The following SCRIB variants were observed in gnomAD, a reference collection of about 807,000 sequenced individuals.
SCRIB encodes protein scribble homolog.
In SCRIB, 72 loss-of-function variants were observed where a neutral mutation model predicts 170.0. The ratio of observed to expected loss-of-function variants is 0.42; its 90% CI spans 0.35 to 0.52. The LOEUF (loss-of-function observed/expected upper bound fraction) is 0.52, where lower values mean the gene tolerates loss of function less well. Ranked by LOEUF, SCRIB falls within the 20% of genes least tolerant of loss-of-function variation. The pLI, the probability that SCRIB is intolerant of heterozygous loss-of-function variation, is 0.02. For synonymous variants in SCRIB, 1,298 were observed against 1,044.3 expected, an observed-to-expected ratio of 1.24 and a Z score of -4.68; for missense variants, 2,475 against 2,338.5, an observed-to-expected ratio of 1.06 and a Z score of -1.20.
rs1375438884 is a variant in SCRIB at position 143,806,929 on chromosome 8, C to T, written c.2263G>A (p.Asp755Asn). The T allele has an allele frequency of 5.0e-6, 8 of 1,609,146 alleles. No homozygotes were observed. In the African/African-American group the frequency reaches 5.3e-5, roughly 11 times the overall value. The change falls in exon 17 of 37, where the codon GAC (aspartate) becomes AAC (asparagine). Residue 755 changes from aspartate (D) to asparagine (N), a missense_variant. Physicochemically the swap from Asp to Asn is conservative, Grantham distance 23. Around this residue, in one of 3 missense-constraint regions of SCRIB, gnomAD observed 1,966 missense variants for 1,742.9 expected, o/e 1.13. Coordinates refer to ENST00000356994, the MANE Select transcript of SCRIB (RefSeq NM_182706.5). ...CCCTCCTAGGCAGTGCTCACCTCGT[C>T]GTCCCCCTTATAGGGTGTGGAGCCC... ...GKGSTPYKGDDEGIFISRVSE... is the reference protein window; with the variant it reads ...GKGSTPYKGDNEGIFISRVSE...
rs1374339423 is a variant in SCRIB, at chr8:143,813,032, G to A, written c.640C>T (p.Pro214Ser). 2.5e-6 allele frequency: 4 copies of A among 1,600,526 alleles called. No individual in the cohort carries two copies. Among genetic ancestry groups the A allele is most frequent in the African/African-American group, 2.7e-5 (2 of 74,854 alleles). Residue 214 changes from proline (P) to serine (S), a missense_variant and splice_region_variant, in exon 7 of 37, where the codon CCG becomes TCG. Pro to Ser is a moderately conservative substitution (Grantham distance 74, BLOSUM62 -1). Transcript: ENST00000356994. ...GGGCCAGCCCCACCCTGACTCACCG[G>A]GGGCAGTGCTGACAGCTGGTTCCGG... is the stretch of plus-strand genomic sequence containing the variant. ...LDRNQLSALP[P>S]ELGNLRRLVC...
At chr8:143,808,577 C>T in intron 15 of SCRIB, 32 bp downstream of exon 15, 2 of 1,494,956 alleles carry the variant, frequency 1.3e-6, no homozygotes, top group Non-Finnish European at 8.9e-7. Context: ...CCAGGGGAAT[C>T]TGGGTCAGGC....
In SCRIB at chr8:143,815,747, C is replaced by T; in HGVS notation, c.-375G>A. The T allele has an allele frequency of 1.0e-6, 1 of 984,434 alleles. No homozygotes were observed. The highest frequency in any genetic ancestry group is 1.2e-6 in the Non-Finnish European group (1 of 829,616). 61.0% of individuals were successfully genotyped at this position (984,434 alleles called of 1,614,324 possible). Reference sequence around the variant, plus strand: ...GCCCCGCCGACACCCACCCGGCCGCCGCGCAGCCCGTCGGGAAGCCGAGTC... The same window carrying T: ...GCCCCGCCGACACCCACCCGGCCGCTGCGCAGCCCGTCGGGAAGCCGAGTC... On this transcript the variant is annotated 5_prime_UTR_variant, in exon 1 of 37. Transcript: ENST00000356994.
rs1395873178 is a variant in SCRIB, at chr8:143,815,452, C to G, written c.-80G>C. ...GGGGGCGGGGCTCAGTCCGCATGGG[C>G]GCCGCGCATGGGGAGGGGGCGCAGG... On this transcript the variant is annotated 5_prime_UTR_variant, in exon 1 of 37. Coordinates refer to ENST00000356994, the MANE Select transcript of SCRIB (RefSeq NM_182706.5). The G allele has an allele frequency of 8.8e-7, 1 of 1,134,038 alleles. No homozygotes were observed. 70.2% of individuals were successfully genotyped at this position (1,134,038 alleles called of 1,614,324 possible).
chr8:143,799,178 C>T (rs1288720456), intron 24 of SCRIB, among the ~76,000 whole-genome samples: 1 of 152,222 alleles, frequency 6.6e-6, no homozygotes, highest in Non-Finnish European at 1.5e-5. Context: ...GAGCTCACAT[C>T]AGGACAGAAA....
rs186652098 is a variant in SCRIB, at chr8:143,799,978, G to T, written c.3603+3405C>A. Among the ~76,000 whole-genome samples the T allele has an allele frequency of 2.8e-4, 42 of 152,154 alleles. No individual in the cohort carries two copies. The East Asian group carries it at 7.5e-3, about 27-fold the overall frequency. On this transcript the variant is annotated intron_variant, in intron 24 of 36. Coordinates refer to ENST00000356994, the MANE Select transcript of SCRIB (RefSeq NM_182706.5). Reference sequence around the variant, plus strand: ...CAGGGCCAGGCAGACAGACACAGATGAGTCCAGTGGCCTGAGTTTCAGAAA... The same window carrying T: ...CAGGGCCAGGCAGACAGACACAGATTAGTCCAGTGGCCTGAGTTTCAGAAA...
At chr8:143,801,421 T>C (rs1815165895) in intron 24 of SCRIB, among the ~76,000 whole-genome samples, 1 of 152,226 alleles carries the variant, frequency 6.6e-6, no homozygotes, top group East Asian at 1.9e-4. Context: ...AACATGACAA[T>C]GTTTTTGTAA....
In SCRIB at chr8:143,815,401, G is replaced by A. The variant is rs764099025; in HGVS notation, c.-29C>T. On this transcript the variant is annotated 5_prime_UTR_variant, in exon 1 of 37. Coordinates refer to ENST00000356994, the MANE Select transcript of SCRIB (RefSeq NM_182706.5). ...GCGGGTGGGCGGCGCGGGCTCCGGC[G>A]GCGGCGCTCGGCGGGCTCGGGGCCG... is the stretch of plus-strand genomic sequence containing the variant. 2.1e-5 allele frequency: 26 copies of A among 1,266,232 alleles called. No individual in the cohort carries two copies. The highest frequency in any genetic ancestry group is 2.5e-5 in the Non-Finnish European group (25 of 1,001,812). 78.4% of individuals were successfully genotyped at this position (1,266,232 alleles called of 1,614,324 possible).
In SCRIB at chr8:143,812,859, G is replaced by A. The variant is rs1335407642; in HGVS notation, c.745C>T (p.Leu249=). Residue 249 remains leucine (L), a synonymous_variant, in exon 8 of 37, where the codon CTG becomes TTG. Transcript: ENST00000356994. ...CTCCGCAGCAGGTTCTGGGACAGCAGCAGGTCAGTGAGCAGCACCAGCCCG... is the reference window on the plus strand; with the variant it reads ...CTCCGCAGCAGGTTCTGGGACAGCAACAGGTCAGTGAGCAGCACCAGCCCG... The part of the protein sequence containing the change: ...LGGLVLLTDL[L]LSQNLLRRLP... 4 of 1,606,380 alleles carry A rather than the reference G, an allele frequency of 2.5e-6. No homozygotes were observed. The highest frequency in any genetic ancestry group is 4.5e-5 in the East Asian group (2 of 44,886).
At chr8:143,803,074 G>A (rs533136892) in intron 24 of SCRIB, among the ~76,000 whole-genome samples, 3 of 152,304 alleles carry the variant, frequency 2.0e-5, no homozygotes, top group South Asian at 4.1e-4. Flanking sequence ...AGTCACCAGT[G>A]CTCAGCTTCT....
In SCRIB at chr8:143,815,259, C is replaced by T. The variant is rs1026834818; in HGVS notation, c.114G>A (p.Leu38=). The T allele has an allele frequency of 2.5e-6, 4 of 1,596,292 alleles. No homozygotes were observed. The highest frequency in any genetic ancestry group is 1.4e-5 in the African/African-American group (1 of 73,184). ...GGTTGGCGTCGAGCAGCAGCTCCTC[C>T]AGGCTGCGGCTGTAGCGGTAGATCT... The part of the protein sequence containing the change: ...PEEIYRYSRS[L]EELLLDANQL... The change falls in exon 1 of 37, where the codon CTG becomes CTA. Residue 38 remains leucine, a synonymous_variant. Coordinates refer to ENST00000356994, the MANE Select transcript of SCRIB (RefSeq NM_182706.5).
chr8:143,803,338 G>C, intron 24 of SCRIB, 45 bp downstream of exon 24: 4 of 1,492,508 alleles, frequency 2.7e-6, no homozygotes, highest in Non-Finnish European at 2.7e-6. Flanking sequence ...CAACACCTTG[G>C]GCTGGGCCAG....
chr8:143,805,568 ACAT>A, intron 18 of SCRIB, 133 bp from the exon 19 acceptor site: 1 of 898,548 alleles, frequency 1.1e-6, no homozygotes, highest in Non-Finnish European at 1.6e-6. Flanking sequence ...CCAGGCGCTG[ACAT>A]CACCCGAGAC....
At position 143,804,079 on chromosome 8, in the gene SCRIB, A is replaced by G; in HGVS notation, c.3087T>C (p.Phe1029=). Residue 1029 remains phenylalanine (F), a synonymous_variant, in exon 22 of 37, where the codon TTT becomes TTC. Coordinates refer to ENST00000356994, the MANE Select transcript of SCRIB (RefSeq NM_182706.5). The part of the protein sequence containing the change: ...VGGSDHSSHP[F]GVQEPGVFIS... ...TGAACACACCAGGCTCCTGGACACC[A>G]AACGGGTGGCTGGAATGGTCGGAGC... The G allele has an allele frequency of 6.2e-7, 1 of 1,612,530 alleles. No individual in the cohort carries two copies. Among genetic ancestry groups the G allele is most frequent in the Admixed American group, 1.7e-5 (1 of 59,928 alleles).
At chr8:143,813,752 C>A in intron 3 of SCRIB, 26 bp from the exon 4 acceptor site, 1 of 1,612,198 alleles carries the variant, frequency 6.2e-7, no homozygotes, top group Non-Finnish European at 8.5e-7. Flanking sequence ...CAGAGGCCCT[C>A]GGATGACCAG....
chr8:143,794,272 A>G (rs549420872), intron 27 of SCRIB: 3 of 389,918 alleles, frequency 7.7e-6, no homozygotes, highest in African/African-American at 4.0e-5. Context: ...GGGAGGGGCC[A>G]GAGACAGAGG....
rs781895820 is a variant in SCRIB, at chr8:143,795,307, C to T, written c.3741G>A (p.Leu1247=). The T allele has an allele frequency of 3.1e-6, 5 of 1,612,638 alleles. No homozygotes were observed. Among genetic ancestry groups the T allele is most frequent in the South Asian group, 1.1e-5 (1 of 91,076 alleles). Residue 1247 remains leucine (L), a synonymous_variant, in exon 26 of 37, where the codon CTG becomes CTA. Transcript: ENST00000356994. ...GKEKELPGQT[L]HWGPEATEAA... is the part of the protein sequence containing the mutation. ...CTTCTGTGGCCTCGGGCCCCCAGTG[C>T]AGGGTCTGTCCAGGCAGCTCCTTCT...
chr8:143,796,515 GGT>G (rs1309298778), intron 24 of SCRIB, among the ~76,000 whole-genome samples: 1 of 152,176 alleles, frequency 6.6e-6, no homozygotes, highest in Non-Finnish European at 1.5e-5. Flanking sequence ...GGGGAGAAAG[GGT>G]GTGAGTTCAG....
At chr8:143,792,192 G>A (rs1220215531) in intron 32 of SCRIB, 28 bp downstream of exon 32, 28 of 1,555,534 alleles carry the variant, frequency 1.8e-5, no homozygotes, top group Non-Finnish European at 2.2e-5. Context: ...GCAGCAGGGC[G>A]GGGTGGCGAC....
Sources: gnomAD v4.1 joint callset for allele counts (sites outside exome capture counted in the v4.1 genomes callset) on GRCh38, gnomAD v4.1.1 for gene constraint, gnomAD v4.1.1 regional missense constraint, MANE v1.5 for transcripts, NCBI Gene and HGNC (gene_info 2026-07-23, HGNC 2026-07-21) for gene names.